Variants in SHISA6 observed in about 807,000 individuals in gnomAD.
SHISA6 encodes the protein protein shisa-6.
SHISA6 carries 22 observed loss-of-function variants against 47.9 expected under a neutral mutation model. The observed-to-expected ratio is 0.46, with a 90% confidence interval of 0.33 to 0.66. The LOEUF (loss-of-function observed/expected upper bound fraction) is 0.66, where lower values mean the gene tolerates loss of function less well. Ranked by LOEUF, SHISA6 falls within the 30% of genes least tolerant of loss-of-function variation. SHISA6 has a pLI of 0.02. For synonymous variants in SHISA6, 388 were observed against 337.8 expected, an observed-to-expected ratio of 1.15 and a Z score of -1.63; for missense variants, 680 against 764.6, an observed-to-expected ratio of 0.89 and a Z score of 1.30.
chr17:11,336,738 A>C (rs1911335579), intron 2 of SHISA6, among the ~76,000 whole-genome samples: 2 of 152,202 alleles, frequency 1.3e-5, no homozygotes, highest in Admixed American at 1.3e-4. Flanking sequence ...AAGGCCTGAC[A>C]GTTGCCATCT....
At chr17:11,307,494 T>C (rs1210260460) in intron 2 of SHISA6, among the ~76,000 whole-genome samples, 1 of 152,222 alleles carries the variant, frequency 6.6e-6, no homozygotes, top group Non-Finnish European at 1.5e-5. Flanking sequence ...TCTCTCAGCT[T>C]TCAGCCCAGA....
At chr17:11,412,057 A>G (rs1444607991) in intron 3 of SHISA6, among the ~76,000 whole-genome samples, 3 of 152,202 alleles carry the variant, frequency 2.0e-5, no homozygotes, top group African/African-American at 7.2e-5. Flanking sequence ...GTCTCTGAAA[A>G]TGTGAAGTGG....
intron 3 of SHISA6, among the ~76,000 whole-genome samples, chr17:11,476,762 G>T (rs1170074485): frequency 6.6e-6 from 1 of 152,032 alleles, no homozygotes; most frequent in Admixed American, 6.6e-5. Flanking sequence ...ATCTGTAGAT[G>T]CAATTACATT....
At chr17:11,334,822 A>G (rs537956893) in intron 2 of SHISA6, among the ~76,000 whole-genome samples, 2 of 152,318 alleles carry the variant, frequency 1.3e-5, no homozygotes, top group East Asian at 3.9e-4. Context: ...GACACCTGGA[A>G]TTCAGCCCCA....
At chr17:11,344,934 T>A (rs1254945804) in intron 2 of SHISA6, among the ~76,000 whole-genome samples, 1 of 152,140 alleles carries the variant, frequency 6.6e-6, no homozygotes, top group African/African-American at 2.4e-5. Flanking sequence ...TTATTCCCCC[T>A]CTTTCCGACC....
chr17:11,422,060 T>C (rs935221028), intron 3 of SHISA6, among the ~76,000 whole-genome samples: 28 of 152,190 alleles, frequency 1.8e-4, no homozygotes, highest in Admixed American at 1.7e-3. Flanking sequence ...ACGTCAACTC[T>C]CTTGCACTTT....
At position 11,557,770 on chromosome 17, in the gene SHISA6, C is replaced by T. The variant is rs774764965; in HGVS notation, c.1122C>T (p.Asp374=). The T allele has an allele frequency of 2.0e-5, 31 of 1,545,956 alleles. No homozygotes were observed. In the Admixed American group the frequency reaches 2.4e-4, roughly 12 times the overall value. Residue 374 remains aspartate (D), a synonymous_variant, in exon 6 of 6, where the codon GAC becomes GAT. Transcript: ENST00000441885. ...CCCCTGCAGCCGACAAGGAGGCTGA[C>T]GAGTATTACATGAGACGGCGGCACC... ...SLKRLTDKEA[D]EYYMRRRHLP... is the part of the protein sequence containing the mutation.
intron 3 of SHISA6, among the ~76,000 whole-genome samples, chr17:11,515,334 AAGGAAGGAAG>A (rs1353690948): frequency 1.5e-5 from 2 of 134,002 alleles, no homozygotes; most frequent in Non-Finnish European, 3.4e-5. Flanking sequence ...GGAAGGAAGG[AAGGAAGGAAG>A]GAAGGAAGGA....
At chr17:11,341,938 G>A (rs1478279291) in intron 2 of SHISA6, among the ~76,000 whole-genome samples, 1 of 152,108 alleles carries the variant, frequency 6.6e-6, no homozygotes, top group Non-Finnish European at 1.5e-5. Context: ...GGGAGAAGAG[G>A]TGTCTGGGGC....
At chr17:11,519,802 A>G (rs1014698997) in intron 3 of SHISA6, among the ~76,000 whole-genome samples, 2 of 152,102 alleles carry the variant, frequency 1.3e-5, no homozygotes, top group Admixed American at 1.3e-4. Flanking sequence ...CTTGACACAC[A>G]TGTATGCAAA....
chr17:11,481,829 G>T (rs1385433634), intron 3 of SHISA6, among the ~76,000 whole-genome samples: 1 of 151,892 alleles, frequency 6.6e-6, no homozygotes, highest in Non-Finnish European at 1.5e-5. Flanking sequence ...GTTAAGGAAG[G>T]AATGAAAGGA....
intron 2 of SHISA6, among the ~76,000 whole-genome samples, chr17:11,301,373 CTTTA>C (rs775904089): frequency 2.6e-5 from 4 of 152,048 alleles, no homozygotes; most frequent in Non-Finnish European, 4.4e-5. Context: ...GTACATTGAC[CTTTA>C]TTTGTCTTTC....
intron 3 of SHISA6, among the ~76,000 whole-genome samples, chr17:11,516,443 G>A (rs1312873090): frequency 6.6e-6 from 1 of 152,188 alleles, no homozygotes; most frequent in Non-Finnish European, 1.5e-5. Context: ...CACAGGGGCA[G>A]AATAAAGATT....
chr17:11,479,948 C>T (rs563401184), intron 3 of SHISA6, among the ~76,000 whole-genome samples: 4 of 151,926 alleles, frequency 2.6e-5, no homozygotes, highest in African/African-American at 9.7e-5. Flanking sequence ...TAAAGAATTT[C>T]CTTTAACATT....
At chr17:11,370,596 G>T (rs1912603698) in intron 2 of SHISA6, among the ~76,000 whole-genome samples, 1 of 152,124 alleles carries the variant, frequency 6.6e-6, no homozygotes, top group Admixed American at 6.6e-5. Context: ...TGCATTCTAG[G>T]TTCTTAGTCC....
In SHISA6 at chr17:11,551,457, T is replaced by C. The variant is rs563070928; in HGVS notation, c.896-439T>C. Among the ~76,000 whole-genome samples, 4 of 152,134 alleles carry C rather than the reference T, an allele frequency of 2.6e-5. No homozygotes were observed. In the South Asian group the frequency reaches 8.3e-4, roughly 32 times the overall value. ...GGCTTAGGGACAAATCAGAGTCCTG[T>C]AAAGTGGAAGCGCCTTAAGTCAGGG... is the stretch of plus-strand genomic sequence containing the variant. On this transcript the variant is annotated intron_variant, in intron 3 of 5. Transcript: ENST00000441885.
chr17:11,343,106 C>G (rs1911592340), intron 2 of SHISA6, among the ~76,000 whole-genome samples: 2 of 152,200 alleles, frequency 1.3e-5, no homozygotes, highest in Admixed American at 1.3e-4. Flanking sequence ...CCAGTTCCTT[C>G]TTTCCCCCTA....
intron 3 of SHISA6, among the ~76,000 whole-genome samples, chr17:11,512,823 T>C (rs952959517): frequency 1.3e-5 from 2 of 152,160 alleles, no homozygotes; most frequent in African/African-American, 4.8e-5. Context: ...GTTAATGATC[T>C]ACATTATGAG....
chr17:11,359,773 A>G (rs915825231), intron 2 of SHISA6, among the ~76,000 whole-genome samples: 3 of 152,178 alleles, frequency 2.0e-5, no homozygotes, highest in Admixed American at 6.5e-5. Flanking sequence ...CTCACCGGGA[A>G]GTGGGAGAGG....
Sources: gnomAD v4.1 joint callset for allele counts (sites outside exome capture counted in the v4.1 genomes callset) on GRCh38, gnomAD v4.1.1 for gene constraint, MANE v1.5 for transcripts, NCBI Gene and HGNC (gene_info 2026-07-23, HGNC 2026-07-21) for gene names.